The following WNT8B variants were observed in gnomAD, a reference collection of about 807,000 sequenced individuals.
The protein encoded by WNT8B is protein Wnt-8b.
Under a neutral mutation model 36.6 loss-of-function variants are expected in WNT8B, and 24 were observed. That is an observed-to-expected ratio of 0.66 (90% CI 0.48 to 0.92). WNT8B has a LOEUF of 0.92. Ranked by LOEUF, WNT8B falls within the 40% of genes least tolerant of loss-of-function variation. The pLI is 0.00. For missense variants in WNT8B, 402 were observed against 470.8 expected, an observed-to-expected ratio of 0.85 and a Z score of 1.35; for synonymous variants, 199 against 189.8, an observed-to-expected ratio of 1.05 and a Z score of -0.40.
chr10:100,467,494 C>T (rs1850919554), intron 1 of WNT8B, among the ~76,000 whole-genome samples: 1 of 152,146 alleles, frequency 6.6e-6, no homozygotes, highest in African/African-American at 2.4e-5. Flanking sequence ...CACCACCCTA[C>T]ATTAGGAGGA....
At chr10:100,480,678 G>C (rs561477324) in intron 3 of WNT8B, among the ~76,000 whole-genome samples, 1 of 152,246 alleles carries the variant, frequency 6.6e-6, no homozygotes, top group African/African-American at 2.4e-5. Context: ...TAAGGCCAGG[G>C]ATGGGGCAGA....
chr10:100,466,440 T>C (rs1232190011), intron 1 of WNT8B, among the ~76,000 whole-genome samples: 1 of 152,142 alleles, frequency 6.6e-6, no homozygotes, highest in East Asian at 1.9e-4. Flanking sequence ...CATGTGTTTC[T>C]TTCCAGAATC....
chr10:100,467,365 C>T (rs1044467458), intron 1 of WNT8B, among the ~76,000 whole-genome samples: 1 of 152,116 alleles, frequency 6.6e-6, no homozygotes, highest in Non-Finnish European at 1.5e-5. Context: ...TCCTATGGTA[C>T]CAGCACATTA....
At position 100,463,157 on chromosome 10, in the gene WNT8B, C is replaced by T; in HGVS notation, c.-12C>T. 1 of 1,613,474 alleles carries T rather than the reference C, an allele frequency of 6.2e-7. No individual in the cohort carries two copies. Among genetic ancestry groups the T allele is most frequent in the South Asian group, 1.1e-5 (1 of 90,984 alleles). The stretch of plus-strand genomic sequence containing the variant: ...TTTTTGGAATTTTCTCTAGCTGTTA[C>T]TCCAGAGGATTATGTTTCTTTCAAA... On this transcript the variant is annotated 5_prime_UTR_variant, in exon 1 of 6. Coordinates refer to ENST00000343737, the MANE Select transcript of WNT8B (RefSeq NM_003393.4).
At chr10:100,481,840 A>T (rs1246759084) in intron 4 of WNT8B, 72 bp from the exon 5 acceptor site, 3 of 1,587,418 alleles carry the variant, frequency 1.9e-6, no homozygotes, top group East Asian at 2.3e-5. Context: ...CCCCAACCCA[A>T]TTAGAAACAG....
chr10:100,480,101 T>A (rs1004068936), intron 3 of WNT8B, 89 bp downstream of exon 3: 10 of 1,449,706 alleles, frequency 6.9e-6, no homozygotes, highest in Non-Finnish European at 9.2e-6. Context: ...GACACCCTTA[T>A]TCCTCACCTG....
chr10:100,475,559 T>A (rs1851028622), intron 1 of WNT8B, among the ~76,000 whole-genome samples: 1 of 152,226 alleles, frequency 6.6e-6, no homozygotes, highest in South Asian at 2.1e-4. Context: ...CTCTGTCTAT[T>A]ACTCCCTGTA....
intron 1 of WNT8B, among the ~76,000 whole-genome samples, chr10:100,471,296 C>A (rs920669441): frequency 6.6e-6 from 1 of 152,246 alleles, no homozygotes; most frequent in Non-Finnish European, 1.5e-5. Context: ...CCCCTCCCCA[C>A]CTCTGCCTAC....
chr10:100,480,137 C>A (rs953724358), intron 3 of WNT8B, 125 bp downstream of exon 3: 1 of 1,197,706 alleles, frequency 8.3e-7, no homozygotes, highest in Non-Finnish European at 1.1e-6. Flanking sequence ...TCATCTCCCT[C>A]TCCAGGATCT....
chr10:100,467,152 G>A (rs914879735), intron 1 of WNT8B, among the ~76,000 whole-genome samples: 2 of 152,080 alleles, frequency 1.3e-5, no homozygotes, highest in African/African-American at 4.8e-5. Flanking sequence ...GTCTCATTAT[G>A]AGCCAAACTT....
chr10:100,465,927 A>G (rs1850903189), intron 1 of WNT8B, among the ~76,000 whole-genome samples: 1 of 152,134 alleles, frequency 6.6e-6, no homozygotes, highest in African/African-American at 2.4e-5. Flanking sequence ...CATTGCATAA[A>G]GCTGAAATTA....
At chr10:100,473,009 CT>C (rs1231546208) in intron 1 of WNT8B, among the ~76,000 whole-genome samples, 2 of 152,194 alleles carry the variant, frequency 1.3e-5, no homozygotes, top group African/African-American at 4.8e-5. Context: ...CTTACATTTT[CT>C]GCTGCATCTG....
At chr10:100,481,820 AC>A (rs549396722) in intron 4 of WNT8B, 91 bp from the exon 5 acceptor site, 134 of 1,519,222 alleles carry the variant, frequency 8.8e-5, no homozygotes, top group East Asian at 2.6e-4. Context: ...CCTATCCTGG[AC>A]CCCCCCACCC....
intron 1 of WNT8B, among the ~76,000 whole-genome samples, chr10:100,477,633 G>A (rs573635853): frequency 6.6e-6 from 1 of 152,236 alleles, no homozygotes; most frequent in African/African-American, 2.4e-5. Flanking sequence ...AGGACATTGG[G>A]TAGTTTCCAA....
intron 1 of WNT8B, among the ~76,000 whole-genome samples, chr10:100,467,396 C>T (rs1850918652): frequency 6.6e-6 from 1 of 152,104 alleles, no homozygotes; most frequent in African/African-American, 2.4e-5. Context: ...TTCCAGTAGT[C>T]CCAATAAGAC....
In WNT8B at chr10:100,482,745, A is replaced by G; in HGVS notation, c.985A>G (p.Thr329Ala). The G allele has an allele frequency of 6.2e-7, 1 of 1,604,094 alleles. No individual in the cohort carries two copies. The highest frequency in any genetic ancestry group is 8.5e-7 in the Non-Finnish European group (1 of 1,175,512). The change falls in exon 6 of 6, where the codon ACC becomes GCC. Residue 329 changes from threonine (T) to alanine (A), a missense_variant. By Grantham distance (58) the Thr-to-Ala change is moderately conservative (BLOSUM62 0). Around this residue, in one of 3 missense-constraint regions of WNT8B, gnomAD observed 256 missense variants for 278.6 expected, o/e 0.92. Transcript: ENST00000343737. This position sits in a 1 kb window ranked among gnomAD's most constrained non-coding sequence, Gnocchi z 6.6. Reference protein sequence around the residue: ...VRCEQCRRRVTKYFCSRAERP... With the variant: ...VRCEQCRRRVAKYFCSRAERP... ...CTGCGAGCAGTGCCGCCGGAGGGTC[A>G]CCAAGTACTTCTGTAGCCGCGCAGA...
intron 1 of WNT8B, among the ~76,000 whole-genome samples, chr10:100,467,701 C>G (rs1850921827): frequency 6.6e-6 from 1 of 152,094 alleles, no homozygotes; most frequent in Non-Finnish European, 1.5e-5. Flanking sequence ...TCTGGTGGAG[C>G]CCAGATTCCA....
Position 100,482,996 on chromosome 10 carries a change from T to C in WNT8B, c.*180T>C. 1.5e-6 allele frequency: 1 copy of C among 688,772 alleles called. No individual in the cohort carries two copies. The highest frequency in any genetic ancestry group is 2.3e-6 in the Non-Finnish European group (1 of 437,246). The allele number at this position is 688,772 out of a possible 1,614,324, so 42.7% of individuals were successfully genotyped here. ...GCCTGTTTCCCCAATTCCTCTGTGC[T>C]CTCCTAGAGCTCTGTCTGAATCCTC... On this transcript the variant is annotated 3_prime_UTR_variant, in exon 6 of 6. Transcript: ENST00000343737. This position sits in a 1 kb window ranked among gnomAD's most constrained non-coding sequence, Gnocchi z 6.6.
rs977908834 is a variant in WNT8B, at chr10:100,478,190, T to C, written c.69-862T>C. On this transcript the variant is annotated intron_variant, in intron 1 of 5. Coordinates refer to ENST00000343737, the MANE Select transcript of WNT8B (RefSeq NM_003393.4). ...CCTAGAGAGATATTCCACTGTTTGT[T>C]TACCTCTTCCTAATTAGAGAAGTAT... Among the ~76,000 whole-genome samples, 8 of 152,308 alleles carry C rather than the reference T, an allele frequency of 5.3e-5. No individual in the cohort carries two copies. The South Asian group carries it at 1.7e-3, about 32-fold the overall frequency.
Sources: allele counts gnomAD v4.1 joint callset (sites outside exome capture counted in the v4.1 genomes callset), GRCh38; gene constraint gnomAD v4.1.1; regional missense constraint gnomAD v4.1.1; non-coding constraint Gnocchi (gnomAD v3.1); transcripts MANE v1.5; gene names NCBI Gene and HGNC (gene_info 2026-07-23, HGNC 2026-07-21).